The following ADGRL3 variants were observed in gnomAD, a reference collection of about 807,000 sequenced individuals.
The protein encoded by ADGRL3 is adhesion G protein-coupled receptor L3, also known as calcium-independent alpha-latrotoxin receptor 3.
A neutral mutation model predicts 153.5 loss-of-function variants in ADGRL3; 62 were observed. The ratio of observed to expected loss-of-function variants is 0.40; its 90% CI spans 0.33 to 0.50. ADGRL3 has a LOEUF of 0.50. ADGRL3 is among the 20% of genes least tolerant of loss of function. The pLI is 0.47. For synonymous variants in ADGRL3, 710 were observed against 672.5 expected (o/e 1.06, Z -0.86); for missense variants, 1,641 against 1,859.4 (o/e 0.88, Z 2.16).
intron 2 of ADGRL3, among the ~76,000 whole-genome samples, chr4:61,460,853 G>A (rs2097803662): frequency 1.3e-5 from 2 of 152,148 alleles, no homozygotes; most frequent in African/African-American, 2.4e-5. Context: ...CAGATCACCT[G>A]AGATCAGAAG....
At chr4:61,597,414 G>A (rs1297504642) in intron 5 of ADGRL3, among the ~76,000 whole-genome samples, 2 of 151,986 alleles carry the variant, frequency 1.3e-5, no homozygotes, top group African/African-American at 4.8e-5. Flanking sequence ...GAATTATTTA[G>A]AGCCACTTTG....
intron 1 of ADGRL3, among the ~76,000 whole-genome samples, chr4:61,258,801 G>A (rs575849990): frequency 3.9e-5 from 6 of 152,082 alleles, no homozygotes; most frequent in African/African-American, 9.6e-5. Context: ...CTACCTCAAC[G>A]GTAATCACTT....
chr4:61,635,561 A>C (rs2093382339), intron 5 of ADGRL3, among the ~76,000 whole-genome samples: 1 of 151,946 alleles, frequency 6.6e-6, no homozygotes, highest in South Asian at 2.1e-4. Flanking sequence ...AGGCACTGAG[A>C]CTCTTAAGTC....
chr4:61,661,969 C>A (rs892548439), intron 5 of ADGRL3, among the ~76,000 whole-genome samples: 1 of 152,202 alleles, frequency 6.6e-6, no homozygotes, highest in Non-Finnish European at 1.5e-5. Context: ...TGTATTTATT[C>A]TTTCAAGTGT....
chr4:61,623,048 G>T (rs2092623770), intron 5 of ADGRL3, among the ~76,000 whole-genome samples: 1 of 152,018 alleles, frequency 6.6e-6, no homozygotes, highest in Non-Finnish European at 1.5e-5. Flanking sequence ...ATAGAAAATG[G>T]TTTTGAAATC....
At chr4:62,003,426 C>A (rs1167921053) in intron 21 of ADGRL3, among the ~76,000 whole-genome samples, 3 of 152,002 alleles carry the variant, frequency 2.0e-5, no homozygotes, top group African/African-American at 4.8e-5. Context: ...GAGTGTCAAA[C>A]CCAGTTGGGT....
At chr4:61,811,011 T>A (rs1433318879) in intron 8 of ADGRL3, among the ~76,000 whole-genome samples, 2 of 152,104 alleles carry the variant, frequency 1.3e-5, no homozygotes, top group Non-Finnish European at 1.5e-5. Context: ...AATGTCCCCA[T>A]GTCATTGGGA....
chr4:61,900,311 C>T (rs1422701211), intron 11 of ADGRL3, among the ~76,000 whole-genome samples: 4 of 150,294 alleles, frequency 2.7e-5, no homozygotes, highest in Non-Finnish European at 4.4e-5. Context: ...GTTTTTTTTT[C>T]CCCCAGCAAT....
At chr4:61,228,939 G>T (rs1007530874) in intron 1 of ADGRL3, among the ~76,000 whole-genome samples, 2 of 152,088 alleles carry the variant, frequency 1.3e-5, no homozygotes, top group Non-Finnish European at 2.9e-5. Flanking sequence ...CAATCTATCC[G>T]CCTCAACCTC....
chr4:61,583,165 C>T (rs1466171807), intron 4 of ADGRL3, among the ~76,000 whole-genome samples: 1 of 151,946 alleles, frequency 6.6e-6, no homozygotes, highest in Non-Finnish European at 1.5e-5. Context: ...AAGTAATATT[C>T]CCTTCTATGA....
intron 5 of ADGRL3, among the ~76,000 whole-genome samples, chr4:61,602,322 C>T (rs1293688511): frequency 1.3e-5 from 2 of 152,120 alleles, no homozygotes; most frequent in Non-Finnish European, 2.9e-5. Context: ...AAAGTAATTA[C>T]TTGGTGAGAG....
intron 8 of ADGRL3, among the ~76,000 whole-genome samples, chr4:61,758,613 TG>T (rs2096869068): frequency 6.6e-6 from 1 of 152,236 alleles, no homozygotes; most frequent in African/African-American, 2.4e-5. Flanking sequence ...AGCACACTGA[TG>T]GGTCTTGACT....
At chr4:61,390,849 C>T (rs1010796737) in intron 2 of ADGRL3, among the ~76,000 whole-genome samples, 4 of 152,128 alleles carry the variant, frequency 2.6e-5, no homozygotes, top group Non-Finnish European at 5.9e-5. Context: ...CCCTAACTCC[C>T]CGGCAGCCAC....
At chr4:61,683,178 T>G (rs890576734) in intron 6 of ADGRL3, among the ~76,000 whole-genome samples, 2 of 151,416 alleles carry the variant, frequency 1.3e-5, no homozygotes, top group East Asian at 3.9e-4. Flanking sequence ...TGTGGCATAT[T>G]CACTGCTCAC....
At chr4:61,217,322 A>G (rs1011388839) in intron 1 of ADGRL3, among the ~76,000 whole-genome samples, 6 of 152,216 alleles carry the variant, frequency 3.9e-5, no homozygotes, top group African/African-American at 1.4e-4. Context: ...TCCCAGAGCC[A>G]GTGACATGTG....
At chr4:61,505,924 G>A (rs2098425266) in intron 3 of ADGRL3, among the ~76,000 whole-genome samples, 1 of 152,050 alleles carries the variant, frequency 6.6e-6, no homozygotes, top group Non-Finnish European at 1.5e-5. Context: ...AATAGCTCCT[G>A]TAGTTTTCAG....
intron 1 of ADGRL3, among the ~76,000 whole-genome samples, chr4:61,354,378 C>T (rs1409280482): frequency 1.3e-5 from 2 of 152,056 alleles, no homozygotes; most frequent in Non-Finnish European, 2.9e-5. Context: ...ACACAATGGA[C>T]ATCCGCATAT....
chr4:61,926,720 A>C (rs574832710), intron 13 of ADGRL3, among the ~76,000 whole-genome samples: 5 of 152,328 alleles, frequency 3.3e-5, no homozygotes, highest in South Asian at 4.1e-4. Context: ...CACAAATATT[A>C]ACCGTTACTG....
chr4:61,549,793 T>C (rs1039486104), intron 4 of ADGRL3, among the ~76,000 whole-genome samples: 1 of 152,050 alleles, frequency 6.6e-6, no homozygotes, highest in Admixed American at 6.6e-5. Flanking sequence ...ACTAAATTAA[T>C]ATAACTTCCC....
Sources: gnomAD v4.1 joint callset for allele counts (sites outside exome capture counted in the v4.1 genomes callset) on GRCh38, gnomAD v4.1.1 for gene constraint, MANE v1.5 for transcripts, NCBI Gene and HGNC (gene_info 2026-07-23, HGNC 2026-07-21) for gene names.